The following NYAP2 variants were observed in gnomAD, a reference collection of about 807,000 sequenced individuals.
NYAP2 encodes neuronal tyrosine-phosphorylated phosphoinositide-3-kinase adaptor 2.
NYAP2 carries 23 observed loss-of-function variants against 50.4 expected under a neutral mutation model. The ratio of observed to expected loss-of-function variants is 0.46; its 90% confidence interval spans 0.33 to 0.65. The LOEUF (loss-of-function observed/expected upper bound fraction) is 0.65, where lower values mean the gene tolerates loss of function less well. Among genes scored for constraint, NYAP2 ranks in the 30% least tolerant of loss-of-function variants. The pLI is 0.02. For synonymous variants in NYAP2, 394 were observed against 365.2 expected, an observed-to-expected ratio of 1.08 and a Z score of -0.90; for missense variants, 885 against 861.0, an observed-to-expected ratio of 1.03 and a Z score of -0.35.
chr2:225,548,549 C>T (rs1377554452), intron 4 of NYAP2, among the ~76,000 whole-genome samples: 1 of 151,772 alleles, frequency 6.6e-6, no homozygotes, highest in African/African-American at 2.4e-5. Context: ...TGTCCTGAAA[C>T]TCTAAAATTA....
chr2:225,500,800 G>A (rs1169997739), intron 3 of NYAP2, among the ~76,000 whole-genome samples: 1 of 152,130 alleles, frequency 6.6e-6, no homozygotes, highest in Admixed American at 6.5e-5. Context: ...ATATACCTGG[G>A]AAGTACAGGT....
At chr2:225,476,442 A>T (rs987148737) in intron 3 of NYAP2, among the ~76,000 whole-genome samples, 2 of 152,122 alleles carry the variant, frequency 1.3e-5, no homozygotes, top group Non-Finnish European at 2.9e-5. Flanking sequence ...TTACTTAAAA[A>T]ATATGCCAGG....
chr2:225,520,223 G>C (rs1017053644), intron 4 of NYAP2, among the ~76,000 whole-genome samples: 1 of 152,056 alleles, frequency 6.6e-6, no homozygotes, highest in Non-Finnish European at 1.5e-5. Flanking sequence ...TTTGTAGGTT[G>C]CCTGTTCACT....
chr2:225,649,177 T>A (rs1451701072), intron 6 of NYAP2, among the ~76,000 whole-genome samples: 1 of 152,238 alleles, frequency 6.6e-6, no homozygotes, highest in Admixed American at 6.5e-5. Flanking sequence ...TGTTTTTCTA[T>A]GAATTTTGCA....
chr2:225,461,938 C>A (rs1347740475), intron 3 of NYAP2, among the ~76,000 whole-genome samples: 6 of 152,076 alleles, frequency 3.9e-5, no homozygotes, highest in Admixed American at 1.3e-4. Flanking sequence ...TATCTTCTGT[C>A]ACAGATTGCG....
the NYAP2 span, chr2:225,699,875 C>A: frequency 2.0e-5 from 3 of 151,588 alleles, no homozygotes; most frequent in Non-Finnish European, 2.9e-5. Context: ...AATATTGCCA[C>A]GAATGAATAA....
At chr2:225,654,619 G>A (rs1046549860), downstream of NYAP2, among the ~76,000 whole-genome samples, 1 of 152,160 alleles carries the variant, frequency 6.6e-6, no homozygotes, top group Non-Finnish European at 1.5e-5. Context: ...AGGAGGCAGA[G>A]GTTGCAGTGA....
intron 6 of NYAP2, among the ~76,000 whole-genome samples, chr2:225,632,149 A>G (rs1410483418): frequency 6.6e-6 from 1 of 152,194 alleles, no homozygotes; most frequent in Non-Finnish European, 1.5e-5. Flanking sequence ...ATATTCATCA[A>G]TGAGATGGTC....
intron 5 of NYAP2, among the ~76,000 whole-genome samples, chr2:225,624,066 T>C (rs1693168228): frequency 6.6e-6 from 1 of 152,234 alleles, no homozygotes; most frequent in Non-Finnish European, 1.5e-5. Context: ...ATTTTTAAAG[T>C]AAACATGTAT....
At chr2:225,567,842 A>G (rs905726059) in intron 4 of NYAP2, among the ~76,000 whole-genome samples, 11 of 152,164 alleles carry the variant, frequency 7.2e-5, no homozygotes, top group African/African-American at 2.7e-4. Context: ...GGGAAAAAGG[A>G]TGGAAACTAT....
intron 5 of NYAP2, among the ~76,000 whole-genome samples, chr2:225,611,850 G>A (rs1692890288): frequency 6.7e-6 from 1 of 148,664 alleles, no homozygotes; most frequent in Non-Finnish European, 1.5e-5. Context: ...AACATAATAA[G>A]TATATATATA....
At chr2:225,577,406 A>G (rs1446439881) in intron 4 of NYAP2, among the ~76,000 whole-genome samples, 1 of 152,178 alleles carries the variant, frequency 6.6e-6, no homozygotes, top group Non-Finnish European at 1.5e-5. Context: ...CTATGTATGT[A>G]ACTCAAGACT....
intron 6 of NYAP2, among the ~76,000 whole-genome samples, chr2:225,644,825 T>C (rs1402292636): frequency 6.6e-6 from 1 of 151,802 alleles, no homozygotes; most frequent in Non-Finnish European, 1.5e-5. Context: ...ACCAGTACCA[T>C]GCTGTTTTGG....
At chr2:225,646,419 C>T (rs897601812) in intron 6 of NYAP2, among the ~76,000 whole-genome samples, 8 of 152,124 alleles carry the variant, frequency 5.3e-5, no homozygotes, top group South Asian at 2.1e-4. Context: ...GGCGTGGTGA[C>T]GCCTGCCTGT....
intron 4 of NYAP2, among the ~76,000 whole-genome samples, chr2:225,548,682 A>G (rs1691623691): frequency 6.6e-6 from 1 of 152,130 alleles, no homozygotes; most frequent in Non-Finnish European, 1.5e-5. Context: ...AAGGGAATAA[A>G]CCAGTGCTAC....
intron 3 of NYAP2, among the ~76,000 whole-genome samples, chr2:225,432,609 A>G (rs1418451144): frequency 6.6e-6 from 1 of 152,108 alleles, no homozygotes; most frequent in Non-Finnish European, 1.5e-5. Flanking sequence ...CTGGAGTTAT[A>G]TCTAATTCTG....
At chr2:225,585,940 G>A (rs189256175) in intron 5 of NYAP2, among the ~76,000 whole-genome samples, 77 of 152,036 alleles carry the variant, frequency 5.1e-4, no homozygotes, top group Non-Finnish European at 7.2e-4. Context: ...GATACCTTAG[G>A]GACAGAATAA....
In NYAP2 at chr2:225,527,200, C is replaced by G. The variant is rs374551060; in HGVS notation, c.523+13528C>G. On this transcript the variant is annotated intron_variant, in intron 4 of 6. Transcript: ENST00000636099. ...TTAGATTCATAATATGACTCATTAC[C>G]CATGTTGTTGGCACAGATGGAGCCT... Among the ~76,000 whole-genome samples, 43 of 152,258 alleles carry G rather than the reference C, an allele frequency of 2.8e-4. No individual in the cohort carries two copies. The South Asian group carries it at 7.7e-3, about 27-fold the overall frequency.
intron 3 of NYAP2, among the ~76,000 whole-genome samples, chr2:225,490,301 T>C (rs1056835275): frequency 6.6e-6 from 1 of 152,178 alleles, no homozygotes; most frequent in Non-Finnish European, 1.5e-5. Context: ...CCCAAAGGTA[T>C]TCCTTTGATT....
Sources: gnomAD v4.1 joint callset for allele counts (sites outside exome capture counted in the v4.1 genomes callset) on GRCh38, gnomAD v4.1.1 for gene constraint, MANE v1.5 for transcripts, NCBI Gene and HGNC (gene_info 2026-07-23, HGNC 2026-07-21) for gene names.